SLC9A9: variants seen among roughly 807,000 people sequenced by gnomAD.
The protein encoded by SLC9A9 is sodium/hydrogen exchanger 9.
A neutral mutation model predicts 77.8 loss-of-function variants in SLC9A9; 62 were observed. The ratio of observed to expected loss-of-function variants is 0.80; its 90% CI spans 0.65 to 0.98. The LOEUF is 0.98. Ranked by LOEUF, SLC9A9 falls within the 50% of genes least tolerant of loss-of-function variation. The pLI is 0.00. For synonymous variants in SLC9A9, 320 were observed against 283.5 expected, an observed-to-expected ratio of 1.13 and a Z score of -1.29; for missense variants, 775 against 774.9, an observed-to-expected ratio of 1.00 and a Z score of 0.00.
At chr3:143,494,575 G>A (rs903739412) in intron 10 of SLC9A9, among the ~76,000 whole-genome samples, 1 of 152,186 alleles carries the variant, frequency 6.6e-6, no homozygotes, top group African/African-American at 2.4e-5. Context: ...CTGGCTGTTC[G>A]GATTATCTGT....
chr3:143,363,669 T>C, intron 13 of SLC9A9, 106 bp from the exon 14 acceptor site: 4 of 1,034,872 alleles, frequency 3.9e-6, no homozygotes, highest in Non-Finnish European at 5.7e-6. Flanking sequence ...AAAAAAAACC[T>C]TTCTAAGTAT....
intron 6 of SLC9A9, among the ~76,000 whole-genome samples, chr3:143,612,259 AT>A (rs2038035314): frequency 6.6e-6 from 1 of 152,218 alleles, no homozygotes; most frequent in African/African-American, 2.4e-5. Flanking sequence ...TAAACTTTGC[AT>A]TTTCAACCTT....
At chr3:143,517,446 C>T in intron 9 of SLC9A9, 1 of 1,596,652 alleles carries the variant, frequency 6.3e-7, no homozygotes, top group South Asian at 1.1e-5. Flanking sequence ...TGGGCTCTCT[C>T]ATGCTCCTCT....
intron 4 of SLC9A9, among the ~76,000 whole-genome samples, chr3:143,765,039 CTTTCTT>C (rs765797942): frequency 1.3e-4 from 19 of 147,822 alleles, no homozygotes; most frequent in Non-Finnish European, 2.1e-4. Flanking sequence ...CTCTCTTTCT[CTTTCTT>C]TTTCTTTCTT....
At chr3:143,650,286 G>T (rs938932395) in intron 6 of SLC9A9, among the ~76,000 whole-genome samples, 3 of 152,232 alleles carry the variant, frequency 2.0e-5, no homozygotes, top group African/African-American at 7.2e-5. Flanking sequence ...GCTTTCCTAA[G>T]GGAACCAGGA....
At chr3:143,404,141 C>T (rs1044959442) in intron 12 of SLC9A9, among the ~76,000 whole-genome samples, 4 of 150,966 alleles carry the variant, frequency 2.6e-5, no homozygotes, top group Admixed American at 6.6e-5. Context: ...ACTTTCACCT[C>T]AAGAATTTTT....
chr3:143,543,255 T>C (rs889454050), intron 9 of SLC9A9, among the ~76,000 whole-genome samples: 1 of 152,204 alleles, frequency 6.6e-6, no homozygotes, highest in African/African-American at 2.4e-5. Context: ...CATTCTCAGC[T>C]GTCTTCCACA....
chr3:143,381,256 A>G (rs1403688229), intron 13 of SLC9A9: 1 of 152,116 alleles, frequency 6.6e-6, no homozygotes, highest in Non-Finnish European at 1.5e-5. Flanking sequence ...GGTGGGAGGT[A>G]GTTGAATTAT....
intron 2 of SLC9A9, among the ~76,000 whole-genome samples, chr3:143,806,829 T>C (rs2008729963): frequency 6.6e-6 from 1 of 152,114 alleles, no homozygotes; most frequent in Admixed American, 6.5e-5. Context: ...AAGGTATGTA[T>C]AGTCAACAAT....
intron 14 of SLC9A9, 105 bp from the exon 15 acceptor site, chr3:143,269,085 C>T (rs1044219984): frequency 8.5e-6 from 7 of 820,070 alleles, no homozygotes; most frequent in Admixed American, 7.8e-5. Flanking sequence ...GCCTTTAAAT[C>T]CCCTACTCCC....
At chr3:143,371,789 T>C (rs1337575614) in intron 13 of SLC9A9, among the ~76,000 whole-genome samples, 1 of 152,206 alleles carries the variant, frequency 6.6e-6, no homozygotes, top group Admixed American at 6.5e-5. Context: ...AACTGTTCAC[T>C]GAGGATATGA....
intron 1 of SLC9A9, among the ~76,000 whole-genome samples, chr3:143,835,276 C>T (rs970429293): frequency 6.6e-6 from 1 of 152,202 alleles, no homozygotes; most frequent in Non-Finnish European, 1.5e-5. Context: ...CCCAAATTAA[C>T]ACACTCACCA....
At chr3:143,463,129 AG>A (rs1159474170) in intron 12 of SLC9A9, among the ~76,000 whole-genome samples, 1 of 152,220 alleles carries the variant, frequency 6.6e-6, no homozygotes, top group Non-Finnish European at 1.5e-5. Flanking sequence ...GAAGCTGTAA[AG>A]GTTATCTTGT....
intron 4 of SLC9A9, among the ~76,000 whole-genome samples, chr3:143,698,854 G>A (rs1371794540): frequency 6.6e-6 from 1 of 152,166 alleles, no homozygotes; most frequent in African/African-American, 2.4e-5. Context: ...CCACGTCCCT[G>A]ACTGAAAAAC....
intron 4 of SLC9A9, among the ~76,000 whole-genome samples, chr3:143,706,981 G>A (rs892631354): frequency 6.6e-6 from 1 of 152,154 alleles, no homozygotes; most frequent in East Asian, 1.9e-4. Context: ...AGAGGAGGCT[G>A]GTTAGTGAAT....
chr3:143,437,372 C>G (rs939580326), intron 12 of SLC9A9, among the ~76,000 whole-genome samples: 2 of 152,228 alleles, frequency 1.3e-5, no homozygotes, highest in Non-Finnish European at 2.9e-5. Flanking sequence ...CTGCCCTGGT[C>G]CTTGGCCAGA....
At position 143,477,346 on chromosome 3, in the gene SLC9A9, TTC is replaced by T. The variant is rs1491181262; in HGVS notation, c.1316-10158_1316-10157del. Among the ~76,000 whole-genome samples the T allele has an allele frequency of 2.6e-4, 35 of 133,532 alleles. No homozygotes were observed. The East Asian group carries it at 8.0e-3, about 31-fold the overall frequency. The allele number at this position is 133,532 out of a possible 152,430, so 87.6% of individuals were successfully genotyped here. On this transcript the variant is annotated intron_variant, in intron 11 of 15. Coordinates refer to ENST00000316549, the MANE Select transcript of SLC9A9 (RefSeq NM_173653.4). ...GCTTCTTCAATTTTTTTTTTTTTTTTTCCCCCTCCCCCCGCCGCCCCCTCCCG... is the reference window on the plus strand; with the variant it reads ...GCTTCTTCAATTTTTTTTTTTTTTTTCCCCTCCCCCCGCCGCCCCCTCCCG...
intron 9 of SLC9A9, among the ~76,000 whole-genome samples, chr3:143,541,485 CA>C (rs1268906066): frequency 1.3e-5 from 2 of 152,226 alleles, no homozygotes; most frequent in Non-Finnish European, 2.9e-5. Flanking sequence ...CAGGACTTCA[CA>C]AACTATACGA....
chr3:143,337,374 G>A (rs778321847), intron 14 of SLC9A9, among the ~76,000 whole-genome samples: 4 of 152,158 alleles, frequency 2.6e-5, no homozygotes, highest in South Asian at 2.1e-4. Flanking sequence ...CACCTGATAG[G>A]AAACATCAGC....
Sources: gnomAD v4.1 joint callset for allele counts (sites outside exome capture counted in the v4.1 genomes callset) on GRCh38, gnomAD v4.1.1 for gene constraint, MANE v1.5 for transcripts, NCBI Gene and HGNC (gene_info 2026-07-23, HGNC 2026-07-21) for gene names.